The following SLC9A9 variants were observed in gnomAD, a reference collection of about 807,000 sequenced individuals.
SLC9A9 encodes sodium/hydrogen exchanger 9.
Under a neutral mutation model 77.8 loss-of-function variants are expected in SLC9A9, and 62 were observed. That is an observed-to-expected ratio of 0.80 (90% CI 0.65 to 0.98). The LOEUF is 0.98. Ranked by LOEUF, SLC9A9 falls within the 50% of genes least tolerant of loss-of-function variation. The pLI is 0.00. For synonymous variants in SLC9A9, 320 were observed against 283.5 expected, an observed-to-expected ratio of 1.13 and a Z score of -1.29; for missense variants, 775 against 774.9, an observed-to-expected ratio of 1.00 and a Z score of 0.00.
intron 8 of SLC9A9, among the ~76,000 whole-genome samples, chr3:143,561,333 T>C (rs1465611196): frequency 6.6e-6 from 1 of 152,166 alleles, no homozygotes; most frequent in Non-Finnish European, 1.5e-5. Flanking sequence ...AAATTGATAG[T>C]CTTCTGTGCA....
rs1196486823 is a variant in SLC9A9 at position 143,815,443 on chromosome 3, G to GC, written c.378+16575dup. Among the ~76,000 whole-genome samples, 5 of 151,902 alleles carry GC rather than the reference G, an allele frequency of 3.3e-5. No homozygotes were observed. The East Asian group carries it at 9.6e-4, about 29-fold the overall frequency. On this transcript the variant is annotated intron_variant, in intron 2 of 15. Coordinates refer to ENST00000316549, the MANE Select transcript of SLC9A9 (RefSeq NM_173653.4). ...GCAGTAATGGAAAGTGGGGACTATT[G>GC]CCCCCTCCTTCCTGTCTTAGCAGTT... is the stretch of plus-strand genomic sequence containing the variant.
intron 12 of SLC9A9, among the ~76,000 whole-genome samples, chr3:143,425,941 C>T (rs1304556027): frequency 6.6e-5 from 10 of 151,450 alleles, no homozygotes; most frequent in South Asian, 2.1e-4. Flanking sequence ...TTCTTGACTA[C>T]GCACCTGCTC....
chr3:143,425,219 A>T (rs1470210851), intron 12 of SLC9A9, among the ~76,000 whole-genome samples: 1 of 148,412 alleles, frequency 6.7e-6, no homozygotes, highest in African/African-American at 2.5e-5. Context: ...GTTTATAATC[A>T]TTTGGTGTAC....
intron 2 of SLC9A9, among the ~76,000 whole-genome samples, chr3:143,802,858 G>A (rs1424102612): frequency 2.0e-5 from 3 of 152,140 alleles, no homozygotes; most frequent in Non-Finnish European, 2.9e-5. Flanking sequence ...ACAGGGTACA[G>A]TCCATTTGAA....
chr3:143,677,784 C>G (rs1277829132), intron 5 of SLC9A9, among the ~76,000 whole-genome samples: 2 of 149,514 alleles, frequency 1.3e-5, no homozygotes, highest in Non-Finnish European at 3.0e-5. Flanking sequence ...ATTTGTGGAA[C>G]AAGTGGATTT....
intron 14 of SLC9A9, among the ~76,000 whole-genome samples, chr3:143,307,848 C>T (rs2030857943): frequency 6.6e-6 from 1 of 152,166 alleles, no homozygotes; most frequent in Non-Finnish European, 1.5e-5. Context: ...GCCTCCAGCC[C>T]CATGCCTGTG....
intron 2 of SLC9A9, among the ~76,000 whole-genome samples, chr3:143,824,428 G>A (rs181478125): frequency 2.4e-4 from 37 of 152,250 alleles, no homozygotes; most frequent in Non-Finnish European, 1.5e-5. Flanking sequence ...CACTTCATTA[G>A]GACTCAGCTC....
intron 8 of SLC9A9, among the ~76,000 whole-genome samples, chr3:143,567,131 GA>G: frequency 6.6e-6 from 1 of 152,082 alleles, no homozygotes. Context: ...GTACCTCACA[GA>G]GAGAATTCCT....
chr3:143,285,997 T>C lies in SLC9A9; in HGVS notation c.1605-17017A>G, dbSNP rs1433108995. 3.3e-5 allele frequency among the ~76,000 whole-genome samples: 5 copies of C among 152,240 alleles called. No homozygotes were observed. In the East Asian group the frequency reaches 9.6e-4, roughly 29 times the overall value. ...ACAGTTGAGGAAGTATGGGATGTGG[T>C]TTATAAACCAGAGCCTAGGAAAGGC... On this transcript the variant is annotated intron_variant, in intron 14 of 15. Coordinates refer to ENST00000316549, the MANE Select transcript of SLC9A9 (RefSeq NM_173653.4).
At chr3:143,377,392 T>C (rs1218853370) in intron 13 of SLC9A9, among the ~76,000 whole-genome samples, 1 of 152,218 alleles carries the variant, frequency 6.6e-6, no homozygotes, top group Non-Finnish European at 1.5e-5. Context: ...GTCTTTCTGA[T>C]GGAAAAATCC....
intron 6 of SLC9A9, among the ~76,000 whole-genome samples, chr3:143,586,553 G>A (rs2037544888): frequency 6.6e-6 from 1 of 151,980 alleles, no homozygotes; most frequent in South Asian, 2.1e-4. Context: ...AATTCTTTAT[G>A]CCTTAAAAAA....
intron 4 of SLC9A9, among the ~76,000 whole-genome samples, chr3:143,766,304 A>G (rs2007317098): frequency 6.6e-6 from 1 of 152,230 alleles, no homozygotes; most frequent in Admixed American, 6.5e-5. Flanking sequence ...AGTGCCTCAT[A>G]TTGAGGATAA....
chr3:143,581,852 G>A lies in SLC9A9; in HGVS notation c.756-3129C>T, dbSNP rs113642954. 3.9e-5 allele frequency among the ~76,000 whole-genome samples: 6 copies of A among 152,256 alleles called. 1 individual carries two copies. The highest frequency in any genetic ancestry group is 1.4e-4 in the African/African-American group (6 of 41,558). ...TAGGGCAACAGCACCGTCTCTCCTGGCCCACCAGCAGGTGAGACTCAGAAC... is the reference window on the plus strand; with the variant it reads ...TAGGGCAACAGCACCGTCTCTCCTGACCCACCAGCAGGTGAGACTCAGAAC... On this transcript the variant is annotated intron_variant, in intron 6 of 15. Transcript: ENST00000316549.
At chr3:143,378,810 T>C (rs1393947423) in intron 13 of SLC9A9, among the ~76,000 whole-genome samples, 1 of 152,214 alleles carries the variant, frequency 6.6e-6, no homozygotes, top group Non-Finnish European at 1.5e-5. Context: ...GAAGTATGCA[T>C]CCAGAGTGTG....
intron 4 of SLC9A9, among the ~76,000 whole-genome samples, chr3:143,734,468 G>T (rs1195439508): frequency 6.6e-6 from 1 of 152,140 alleles, no homozygotes; most frequent in Admixed American, 6.5e-5. Context: ...GGGTGCAGTG[G>T]CTCATGCCTG....
chr3:143,571,440 C>A (rs1411817236), intron 8 of SLC9A9, among the ~76,000 whole-genome samples: 1 of 151,946 alleles, frequency 6.6e-6, no homozygotes, highest in Non-Finnish European at 1.5e-5. Context: ...AGGCCACACC[C>A]TCAGGTTTTA....
intron 5 of SLC9A9, among the ~76,000 whole-genome samples, chr3:143,661,102 A>T (rs575902434): frequency 6.6e-6 from 1 of 152,260 alleles, no homozygotes; most frequent in African/African-American, 2.4e-5. Context: ...AGAATTGGTG[A>T]TGAGATGGGA....
At chr3:143,320,544 G>A (rs2031380401) in intron 14 of SLC9A9, among the ~76,000 whole-genome samples, 1 of 152,140 alleles carries the variant, frequency 6.6e-6, no homozygotes, top group South Asian at 2.1e-4. Context: ...GTGGGAACAG[G>A]CACAGCACAT....
Position 143,404,299 on chromosome 3 carries a change from G to A in SLC9A9, c.1470-22185C>T, listed in dbSNP as rs185560765. Among the ~76,000 whole-genome samples, 688 of 151,086 alleles carry A rather than the reference G, an allele frequency of 4.6e-3. 5 individuals are homozygous for A. The highest frequency in any genetic ancestry group is 0.016 in the African/African-American group (656 of 41,196). On this transcript the variant is annotated intron_variant, in intron 12 of 15. Transcript: ENST00000316549. ...AGTGATTCTCCTGCCTCAGCCTCCC[G>A]AGTAGCTGGGATTACAGGTGCCTGC...
Sources: allele counts gnomAD v4.1 joint callset (sites outside exome capture counted in the v4.1 genomes callset), GRCh38; gene constraint gnomAD v4.1.1; transcripts MANE v1.5; gene names NCBI Gene and HGNC (gene_info 2026-07-23, HGNC 2026-07-21).